Variants in SGCZ observed in about 807,000 individuals in gnomAD.
SGCZ encodes zeta-sarcoglycan.
SGCZ carries 40 observed loss-of-function variants against 41.3 expected under a neutral mutation model. The ratio of observed to expected loss-of-function variants is 0.97; its 90% CI spans 0.75 to 1.26. SGCZ has a LOEUF of 1.26. SGCZ is among the 50% of genes most tolerant of loss of function. SGCZ has a pLI of 0.00. For synonymous variants in SGCZ, 206 were observed against 137.5 expected, an observed-to-expected ratio of 1.50 and a Z score of -3.49; for missense variants, 552 against 369.8, an observed-to-expected ratio of 1.49 and a Z score of -4.04.
chr8:14,445,360 C>G (rs910177868), intron 2 of SGCZ, among the ~76,000 whole-genome samples: 1 of 152,172 alleles, frequency 6.6e-6, no homozygotes, highest in Non-Finnish European at 1.5e-5. Flanking sequence ...AAGGCCTAAC[C>G]CACACCTATC....
intron 1 of SGCZ, among the ~76,000 whole-genome samples, chr8:14,942,483 G>A (rs186060578): frequency 3.3e-5 from 5 of 152,118 alleles, no homozygotes; most frequent in African/African-American, 9.6e-5. Flanking sequence ...GATATAAATT[G>A]GAGAATAAAT....
intron 1 of SGCZ, among the ~76,000 whole-genome samples, chr8:14,924,143 C>T (rs1279205736): frequency 6.6e-6 from 1 of 152,170 alleles, no homozygotes; most frequent in African/African-American, 2.4e-5. Flanking sequence ...TTCTAAAAAT[C>T]CTTTAGTCTT....
intron 2 of SGCZ, among the ~76,000 whole-genome samples, chr8:14,398,885 C>T (rs1472034543): frequency 3.3e-5 from 5 of 152,052 alleles, no homozygotes; most frequent in South Asian, 2.1e-4. Context: ...TGTTTCATTC[C>T]AGTGTTTCTT....
At chr8:15,139,568 G>T (rs538619354) in intron 1 of SGCZ, among the ~76,000 whole-genome samples, 3 of 152,096 alleles carry the variant, frequency 2.0e-5, no homozygotes, top group African/African-American at 7.2e-5. Flanking sequence ...GAGTAAAATG[G>T]TTACCACAGT....
intron 2 of SGCZ, among the ~76,000 whole-genome samples, chr8:14,541,193 T>A (rs1237066354): frequency 6.6e-6 from 1 of 151,972 alleles, no homozygotes; most frequent in Non-Finnish European, 1.5e-5. Flanking sequence ...TGTAGGTTCG[T>A]TACATAGGTA....
chr8:14,795,893 T>C (rs1429590298), intron 1 of SGCZ, among the ~76,000 whole-genome samples: 1 of 152,208 alleles, frequency 6.6e-6, no homozygotes, highest in East Asian at 1.9e-4. Context: ...TTCTCATTAT[T>C]TAGTTCCCAC....
At chr8:15,040,990 C>T (rs908437428) in intron 1 of SGCZ, among the ~76,000 whole-genome samples, 3 of 151,706 alleles carry the variant, frequency 2.0e-5, no homozygotes, top group Non-Finnish European at 4.4e-5. Flanking sequence ...TGAAATGATA[C>T]AAAAATATCA....
At chr8:14,277,062 A>G (rs1247440447) in intron 3 of SGCZ, among the ~76,000 whole-genome samples, 2 of 152,124 alleles carry the variant, frequency 1.3e-5, no homozygotes, top group African/African-American at 2.4e-5. Flanking sequence ...TGTTTGTGCT[A>G]TTTGTCCAAT....
chr8:15,155,251 C>T (rs533097299), intron 1 of SGCZ, among the ~76,000 whole-genome samples: 4 of 152,150 alleles, frequency 2.6e-5, no homozygotes, highest in South Asian at 2.1e-4. Flanking sequence ...GCTGAGATCA[C>T]GCCATTGCAC....
intron 1 of SGCZ, among the ~76,000 whole-genome samples, chr8:15,142,580 C>G (rs1798919586): frequency 6.6e-6 from 1 of 151,678 alleles, no homozygotes; most frequent in Admixed American, 6.6e-5. Context: ...TGTAAATCAC[C>G]CCCCAATTAC....
chr8:14,825,971 G>A (rs1311239985), intron 1 of SGCZ, among the ~76,000 whole-genome samples: 2 of 151,408 alleles, frequency 1.3e-5, no homozygotes, highest in African/African-American at 2.4e-5. Flanking sequence ...AAGTTTTAGG[G>A]TACATGTGCA....
intron 1 of SGCZ, among the ~76,000 whole-genome samples, chr8:14,663,090 T>C (rs1585163917): frequency 1.3e-5 from 2 of 152,182 alleles, no homozygotes; most frequent in African/African-American, 2.4e-5. Flanking sequence ...CTCGGAATTA[T>C]GACCTATAAA....
rs535896577 is a variant in SGCZ, at chr8:14,087,934, G to C, written c.*2509C>G. On this transcript the variant is annotated 3_prime_UTR_variant, in exon 8 of 8. Coordinates refer to ENST00000382080, the MANE Select transcript of SGCZ (RefSeq NM_139167.4). ...ATTTTCTACTGTACTGAACCGATTT[G>C]TTATATCATCTGGATACAGTCTAAA... Among the ~76,000 whole-genome samples the C allele has an allele frequency of 5.3e-5, 8 of 151,794 alleles. No individual in the cohort carries two copies. Among genetic ancestry groups the C allele is most frequent in the African/African-American group, 1.9e-4 (8 of 41,492 alleles).
intron 4 of SGCZ, among the ~76,000 whole-genome samples, chr8:14,186,717 C>G (rs1159957611): frequency 1.3e-5 from 2 of 152,180 alleles, no homozygotes; most frequent in Non-Finnish European, 2.9e-5. Context: ...CAAATGAAAG[C>G]TTTATTTGCC....
At chr8:14,742,618 C>T (rs558772691) in intron 1 of SGCZ, among the ~76,000 whole-genome samples, 21 of 152,106 alleles carry the variant, frequency 1.4e-4, no homozygotes, top group Middle Eastern at 3.4e-3. Flanking sequence ...TGTATACATA[C>T]GTACATAACC....
At chr8:14,917,176 T>C (rs1420257126) in intron 1 of SGCZ, among the ~76,000 whole-genome samples, 1 of 152,108 alleles carries the variant, frequency 6.6e-6, no homozygotes, top group Admixed American at 6.5e-5. Flanking sequence ...AATCATAATT[T>C]GTCAGCTTTA....
In SGCZ at chr8:14,351,621, T is replaced by G. The variant is rs1353253752; in HGVS notation, c.235-27417A>C. Among the ~76,000 whole-genome samples, 3 of 151,626 alleles carry G rather than the reference T, an allele frequency of 2.0e-5. No homozygotes were observed. The East Asian group carries it at 5.8e-4, about 29-fold the overall frequency. ...ATTGTGACAAAATTCAAATAGAACA[T>G]GATGTCATTTTAGTACCCACAAGGC... On this transcript the variant is annotated intron_variant, in intron 2 of 7. Coordinates refer to ENST00000382080, the MANE Select transcript of SGCZ (RefSeq NM_139167.4).
At chr8:14,105,069 G>C (rs1802160040) in intron 6 of SGCZ, among the ~76,000 whole-genome samples, 1 of 152,064 alleles carries the variant, frequency 6.6e-6, no homozygotes, top group South Asian at 2.1e-4. Context: ...ACAAACATTA[G>C]GCTGTTCTGG....
At chr8:14,581,428 T>G (rs921435490) in intron 1 of SGCZ, among the ~76,000 whole-genome samples, 4 of 151,962 alleles carry the variant, frequency 2.6e-5, no homozygotes, top group Admixed American at 1.3e-4. Context: ...CTTACTATGT[T>G]TTTTGTTTGT....
Sources: allele counts gnomAD v4.1 joint callset (sites outside exome capture counted in the v4.1 genomes callset), GRCh38; gene constraint gnomAD v4.1.1; transcripts MANE v1.5; gene names NCBI Gene and HGNC (gene_info 2026-07-23, HGNC 2026-07-21).